Variants in CFAP61 observed in about 807,000 individuals in gnomAD.
CFAP61 encodes the protein cilia- and flagella-associated protein 61.
A neutral mutation model predicts 135.6 loss-of-function variants in CFAP61; 107 were observed. The ratio of observed to expected loss-of-function variants is 0.79; its 90% CI spans 0.67 to 0.93. CFAP61 has a LOEUF of 0.93. Ranked by LOEUF, CFAP61 falls within the 40% of genes least tolerant of loss-of-function variation. The pLI is 0.00. For missense variants in CFAP61, 1,507 were observed against 1,556.2 expected, an observed-to-expected ratio of 0.97 and a Z score of 0.53; for synonymous variants, 575 against 578.5, an observed-to-expected ratio of 0.99 and a Z score of 0.09.
chr20:20,112,256 G>A (rs2048848990), intron 8 of CFAP61, among the ~76,000 whole-genome samples: 1 of 151,968 alleles, frequency 6.6e-6, no homozygotes, highest in South Asian at 2.1e-4. Flanking sequence ...CTAATATCAG[G>A]CAAAGCAATA....
chr20:20,218,542 C>A (rs1318921044), intron 17 of CFAP61, among the ~76,000 whole-genome samples: 1 of 152,232 alleles, frequency 6.6e-6, no homozygotes, highest in Non-Finnish European at 1.5e-5. Flanking sequence ...AAACTACTGA[C>A]CTACAGAACC....
At chr20:20,297,445 T>C (rs1314897756) in intron 24 of CFAP61, among the ~76,000 whole-genome samples, 3 of 152,162 alleles carry the variant, frequency 2.0e-5, no homozygotes, top group African/African-American at 7.2e-5. Context: ...CTACAGAAGC[T>C]TCCCACTGCC....
intron 26 of CFAP61, among the ~76,000 whole-genome samples, chr20:20,358,031 CACTGAGGAGAGGTGGTCAT>C (rs2059318162): frequency 1.6e-5 from 2 of 125,004 alleles, no homozygotes; most frequent in African/African-American, 5.9e-5. Context: ...GAGGTGGTCA[CACTGAGGAGAGGTGGTCAT>C]AGTGTGAGGG....
At chr20:20,254,293 T>C (rs1002147582) in intron 20 of CFAP61, among the ~76,000 whole-genome samples, 20 of 151,090 alleles carry the variant, frequency 1.3e-4, no homozygotes, top group Admixed American at 3.3e-4. Flanking sequence ...TATTTAAGTA[T>C]TCCTCTGACT....
intron 8 of CFAP61, among the ~76,000 whole-genome samples, chr20:20,110,856 G>A (rs2048755520): frequency 6.6e-6 from 1 of 152,148 alleles, no homozygotes; most frequent in Non-Finnish European, 1.5e-5. Context: ...AGCTCACAGG[G>A]CTTCTTAAGA....
chr20:20,228,863 A>G (rs532529719), intron 18 of CFAP61, among the ~76,000 whole-genome samples: 1 of 152,320 alleles, frequency 6.6e-6, no homozygotes, highest in South Asian at 2.1e-4. Context: ...CCTGCACCCA[A>G]CTTACAGAAT....
intron 21 of CFAP61, among the ~76,000 whole-genome samples, chr20:20,271,466 C>G (rs1369065153): frequency 6.6e-6 from 1 of 152,152 alleles, no homozygotes; most frequent in East Asian, 1.9e-4. Flanking sequence ...ACGCTGACAC[C>G]CTCCTTCCTC....
chr20:20,290,557 G>A (rs1306085847), intron 24 of CFAP61, among the ~76,000 whole-genome samples, 166 bp downstream of exon 24: 1 of 152,204 alleles, frequency 6.6e-6, no homozygotes, highest in Non-Finnish European at 1.5e-5. Flanking sequence ...CTCGCACCTT[G>A]GTCTTCATGC....
At chr20:20,243,365 CT>C (rs573031541) in intron 18 of CFAP61, among the ~76,000 whole-genome samples, 11 of 152,204 alleles carry the variant, frequency 7.2e-5, no homozygotes, top group Admixed American at 2.6e-4. Flanking sequence ...CATTCTGCCC[CT>C]GGCCCCTCCC....
intron 17 of CFAP61, among the ~76,000 whole-genome samples, chr20:20,202,965 A>C (rs993204564): frequency 6.6e-6 from 1 of 152,100 alleles, no homozygotes; most frequent in Non-Finnish European, 1.5e-5. Context: ...GAGTAATGGG[A>C]TAGAAAGCAT....
chr20:20,098,479 G>A (rs562940551), intron 7 of CFAP61, among the ~76,000 whole-genome samples, 176 bp from the exon 8 acceptor site: 33 of 151,954 alleles, frequency 2.2e-4, no homozygotes, highest in African/African-American at 5.8e-4. Context: ...GTGTGGTGGC[G>A]GGCGCCTGCA....
chr20:20,246,253 A>C (rs2050446314), intron 19 of CFAP61, 38 bp downstream of exon 19: 2 of 1,222,952 alleles, frequency 1.6e-6, no homozygotes, highest in Non-Finnish European at 2.4e-6. Flanking sequence ...TGAGGCCTAA[A>C]TGTCCTACTC....
Position 20,098,683 on chromosome 20 carries a change from G to A in CFAP61, c.728G>A (p.Ser243Asn). ...EVEGTAVGFM[S>N]VCSRVNMQLL... ...GAAGGCACAGCTGTTGGGTTCATGA[G>A]TGTGTGCTCAAGAGTGAACATGCAA... The change falls in exon 8 of 27, where the codon AGT becomes AAT. Residue 243 changes from serine (S) to asparagine (N), a missense_variant. Physicochemically the swap from Ser to Asn is conservative, Grantham distance 46 (BLOSUM62 1). Transcript: ENST00000245957. 2.5e-6 allele frequency: 4 copies of A among 1,612,142 alleles called. No homozygotes were observed. The highest frequency in any genetic ancestry group is 3.4e-6 in the Non-Finnish European group (4 of 1,179,424).
intron 17 of CFAP61, among the ~76,000 whole-genome samples, chr20:20,202,482 T>C (rs2056671488): frequency 6.6e-6 from 1 of 152,226 alleles, no homozygotes; most frequent in Non-Finnish European, 1.5e-5. Flanking sequence ...ATAATCCCCA[T>C]GGAATGGGCC....
chr20:20,092,107 G>A (rs142036878), intron 7 of CFAP61, among the ~76,000 whole-genome samples: 15 of 152,288 alleles, frequency 9.8e-5, no homozygotes, highest in Admixed American at 2.6e-4. Context: ...TGTTTCTTCA[G>A]CCTTTTTAAA....
intron 8 of CFAP61, among the ~76,000 whole-genome samples, chr20:20,134,838 G>A (rs553577857): frequency 6.6e-6 from 1 of 152,158 alleles, no homozygotes; most frequent in African/African-American, 2.4e-5. Flanking sequence ...CAGGTAGAGA[G>A]TTTGACTTTC....
chr20:20,152,417 GAC>G (rs1048423526), intron 9 of CFAP61, among the ~76,000 whole-genome samples: 5 of 151,900 alleles, frequency 3.3e-5, no homozygotes, highest in African/African-American at 1.2e-4. Context: ...CCACTTAAAA[GAC>G]ACAGAATGGC....
intron 24 of CFAP61, among the ~76,000 whole-genome samples, chr20:20,297,257 T>C (rs1003312958): frequency 6.6e-6 from 1 of 152,222 alleles, no homozygotes; most frequent in Non-Finnish European, 1.5e-5. Flanking sequence ...ACTAAGTAAA[T>C]GTTTGGGATC....
At chr20:20,154,993 C>A (rs1205334149) in intron 9 of CFAP61, among the ~76,000 whole-genome samples, 2 of 152,060 alleles carry the variant, frequency 1.3e-5, no homozygotes, top group African/African-American at 4.8e-5. Flanking sequence ...AAGAAGAAAT[C>A]TGGAGGCATC....
Sources: allele counts gnomAD v4.1 joint callset (sites outside exome capture counted in the v4.1 genomes callset), GRCh38; gene constraint gnomAD v4.1.1; transcripts MANE v1.5; gene names NCBI Gene and HGNC (gene_info 2026-07-23, HGNC 2026-07-21).